The following CDH13 variants were observed in gnomAD, a reference collection of about 807,000 sequenced individuals.
CDH13 encodes cadherin 13.
CDH13 carries 24 observed loss-of-function variants against 63.8 expected under a neutral mutation model. That is an observed-to-expected ratio of 0.38 (90% CI 0.27 to 0.53). The LOEUF (loss-of-function observed/expected upper bound fraction) is 0.53, where lower values mean the gene tolerates loss of function less well. Ranked by LOEUF, CDH13 falls within the 20% of genes least tolerant of loss-of-function variation. CDH13 has a pLI of 0.85. For missense variants in CDH13, 1,049 were observed against 903.1 expected, an observed-to-expected ratio of 1.16 and a Z score of -2.07; for synonymous variants, 503 against 355.3, an observed-to-expected ratio of 1.42 and a Z score of -4.67.
intron 13 of CDH13, among the ~76,000 whole-genome samples, chr16:83,789,012 A>G (rs1415764205): frequency 6.6e-6 from 1 of 152,212 alleles, no homozygotes; most frequent in Non-Finnish European, 1.5e-5. Context: ...AAGATTTTCT[A>G]ATATTGTTCA....
intron 6 of CDH13, among the ~76,000 whole-genome samples, chr16:83,391,941 A>T (rs993859714): frequency 1.3e-5 from 2 of 152,110 alleles, no homozygotes; most frequent in African/African-American, 4.8e-5. Context: ...TCCCCCACCC[A>T]AAGACTGTTT....
chr16:83,252,438 G>A (rs1905694127), intron 5 of CDH13, among the ~76,000 whole-genome samples: 1 of 151,778 alleles, frequency 6.6e-6, no homozygotes, highest in Non-Finnish European at 1.5e-5. Flanking sequence ...ACCAAAGATG[G>A]TGACCTTAAA....
intron 6 of CDH13, among the ~76,000 whole-genome samples, chr16:83,402,347 G>A (rs1335401038): frequency 2.0e-5 from 3 of 152,160 alleles, no homozygotes; most frequent in Non-Finnish European, 2.9e-5. Flanking sequence ...ACAGGACACA[G>A]AGTGATTCAC....
At chr16:83,554,367 T>TCAAAGGAGG (rs2075563865) in intron 7 of CDH13, among the ~76,000 whole-genome samples, 1 of 151,794 alleles carries the variant, frequency 6.6e-6, no homozygotes, top group Admixed American at 6.6e-5. Flanking sequence ...ACAAAACATT[T>TCAAAGGAGG]CAAAGGAGGC....
At chr16:82,819,962 G>C (rs1462153844) in intron 1 of CDH13, among the ~76,000 whole-genome samples, 13 of 152,144 alleles carry the variant, frequency 8.5e-5, no homozygotes. Flanking sequence ...ACTGGCTACT[G>C]TTAAAATTTA....
chr16:82,812,905 AG>A, intron 1 of CDH13, among the ~76,000 whole-genome samples: 1 of 150,736 alleles, frequency 6.6e-6, no homozygotes, highest in South Asian at 2.1e-4. Flanking sequence ...TGAGACAGAG[AG>A]GGTAGGAGAG....
At chr16:82,739,433 T>C (rs571497118) in intron 1 of CDH13, among the ~76,000 whole-genome samples, 2 of 152,188 alleles carry the variant, frequency 1.3e-5, no homozygotes, top group Non-Finnish European at 2.9e-5. Flanking sequence ...CTTGTTGAAA[T>C]TTTCCTCATG....
intron 3 of CDH13, among the ~76,000 whole-genome samples, chr16:83,061,491 T>A (rs953635288): frequency 7.2e-5 from 11 of 151,966 alleles, no homozygotes; most frequent in Non-Finnish European, 1.5e-4. Context: ...ATACAGAAAA[T>A]GAGTGAGCAA....
At chr16:82,688,872 A>G (rs1011454347) in intron 1 of CDH13, 1 of 152,216 alleles carries the variant, frequency 6.6e-6, no homozygotes, top group Non-Finnish European at 1.5e-5. Flanking sequence ...CCATGTGACC[A>G]ATTTGCTTCT....
intron 6 of CDH13, among the ~76,000 whole-genome samples, chr16:83,409,091 A>G (rs1023923300): frequency 6.6e-6 from 1 of 152,194 alleles, no homozygotes; most frequent in Non-Finnish European, 1.5e-5. Context: ...TGGGAGGTAC[A>G]GGAAACACCA....
chr16:83,495,809 T>G (rs1386466157), intron 7 of CDH13, among the ~76,000 whole-genome samples: 1 of 151,976 alleles, frequency 6.6e-6, no homozygotes, highest in Non-Finnish European at 1.5e-5. Context: ...TTTGGGCAAG[T>G]GAAGAAAAAA....
chr16:83,063,064 T>G (rs374852655), intron 3 of CDH13, among the ~76,000 whole-genome samples: 81 of 151,192 alleles, frequency 5.4e-4, no homozygotes, highest in African/African-American at 1.8e-3. Context: ...CAGGTTCAAG[T>G]GAGTCTCCTG....
chr16:82,796,898 C>G (rs953312457), intron 1 of CDH13, among the ~76,000 whole-genome samples: 2 of 152,212 alleles, frequency 1.3e-5, no homozygotes, highest in Non-Finnish European at 2.9e-5. Flanking sequence ...CCTATGTGTA[C>G]TGGGAGACTA....
intron 2 of CDH13, among the ~76,000 whole-genome samples, chr16:82,922,438 A>G (rs1234813422): frequency 6.6e-6 from 1 of 152,180 alleles, no homozygotes; most frequent in East Asian, 1.9e-4. Flanking sequence ...AGTGTATAGA[A>G]GTTTCGAAGA....
intron 6 of CDH13, among the ~76,000 whole-genome samples, chr16:83,466,643 A>C (rs1445024741): frequency 1.3e-5 from 2 of 152,184 alleles, no homozygotes; most frequent in Admixed American, 1.3e-4. Context: ...AATGAAACGG[A>C]GTGGGGGGCT....
chr16:82,727,844 C>T (rs1272485248), intron 1 of CDH13: 1 of 152,220 alleles, frequency 6.6e-6, no homozygotes, highest in Non-Finnish European at 1.5e-5. Context: ...CCACTCCACC[C>T]ATCTTTGCCA....
At chr16:83,071,464 C>G (rs944194359) in intron 3 of CDH13, among the ~76,000 whole-genome samples, 3 of 152,292 alleles carry the variant, frequency 2.0e-5, no homozygotes, top group South Asian at 2.1e-4. Context: ...CTCCTCCAAG[C>G]CTTGGTTAAA....
intron 2 of CDH13, among the ~76,000 whole-genome samples, chr16:82,958,535 C>T (rs760160396): frequency 1.4e-4 from 22 of 152,082 alleles, no homozygotes; most frequent in Non-Finnish European, 1.9e-4. Context: ...AAAACACAGT[C>T]GGGGAGGAGA....
intron 1 of CDH13, among the ~76,000 whole-genome samples, chr16:82,762,779 C>T (rs1448818794): frequency 6.6e-6 from 1 of 152,184 alleles, no homozygotes; most frequent in Non-Finnish European, 1.5e-5. Flanking sequence ...AAGAGTTCTG[C>T]TGTCTTTGCA....
Sources: gnomAD v4.1 joint callset for allele counts (sites outside exome capture counted in the v4.1 genomes callset) on GRCh38, gnomAD v4.1.1 for gene constraint, MANE v1.5 for transcripts, NCBI Gene and HGNC (gene_info 2026-07-23, HGNC 2026-07-21) for gene names.